The following EYS variants were observed in gnomAD, a reference collection of about 807,000 sequenced individuals.
The protein encoded by EYS is EGF-like photoreceptor maintenance factor, also known as protein eyes shut homolog.
Under a neutral mutation model 282.1 loss-of-function variants are expected in EYS, and 250 were observed. The ratio of observed to expected loss-of-function variants is 0.89; its 90% CI spans 0.80 to 0.98. The LOEUF is 0.98. Among genes scored for constraint, EYS ranks in the 50% least tolerant of loss-of-function variants. EYS has a pLI of 0.00. For synonymous variants in EYS, 1,355 were observed against 1,282.9 expected (o/e 1.06, Z -1.20); for missense variants, 4,016 against 3,709.0 (o/e 1.08, Z -2.15).
chr6:64,354,594 A>AT (rs562995209), intron 29 of EYS, among the ~76,000 whole-genome samples: 2 of 151,432 alleles, frequency 1.3e-5, no homozygotes, highest in South Asian at 4.2e-4. Context: ...GTGGTATTCT[A>AT]TTTTTTCCTT....
At chr6:64,584,275 A>G (rs1470985476) in intron 26 of EYS, among the ~76,000 whole-genome samples, 1 of 152,010 alleles carries the variant, frequency 6.6e-6, no homozygotes, top group African/African-American at 2.4e-5. Flanking sequence ...GCATGTATAC[A>G]TGTATTTAGA....
At chr6:65,164,105 A>T (rs1017772520) in intron 12 of EYS, among the ~76,000 whole-genome samples, 3 of 151,540 alleles carry the variant, frequency 2.0e-5, no homozygotes, top group African/African-American at 4.8e-5. Flanking sequence ...AACTGAAATA[A>T]TTGTGAGTTG....
At position 65,471,229 on chromosome 6, in the gene EYS, C is replaced by CAA. The variant is rs527251318; in HGVS notation, c.862+19363_862+19364dup. Reference sequence around the variant, plus strand: ...GCAACATAGTGAGACCTCATCTTTACAAAAAAAAAAAAAAAAAAAAATTGT... The same window carrying CAA: ...GCAACATAGTGAGACCTCATCTTTACAAAAAAAAAAAAAAAAAAAAAAATTGT... On this transcript the variant is annotated intron_variant, in intron 5 of 42. Transcript: ENST00000503581. Among the ~76,000 whole-genome samples the CAA allele has an allele frequency of 8.5e-3, 821 of 96,666 alleles. 14 individuals carry two copies. Among genetic ancestry groups the CAA allele is most frequent in the African/African-American group, 0.025 (667 of 26,630 alleles). The allele number at this position is 96,666 out of a possible 152,430, so 63.4% of individuals were successfully genotyped here.
intron 29 of EYS, among the ~76,000 whole-genome samples, chr6:64,373,598 G>C (rs970215790): frequency 2.6e-5 from 4 of 152,110 alleles, no homozygotes. Context: ...TGCCATCCGG[G>C]TGTTTCCAAG....
chr6:64,580,315 A>G (rs1434015646), intron 26 of EYS, among the ~76,000 whole-genome samples: 1 of 152,178 alleles, frequency 6.6e-6, no homozygotes, highest in Non-Finnish European at 1.5e-5. Flanking sequence ...TCAAGGTGAC[A>G]TTGAGTTATG....
intron 26 of EYS, among the ~76,000 whole-genome samples, chr6:64,559,894 G>C (rs1215171096): frequency 6.6e-6 from 1 of 151,768 alleles, no homozygotes; most frequent in Non-Finnish European, 1.5e-5. Context: ...ATTTTTTTCT[G>C]CTCCCCTTCC....
chr6:65,250,770 T>C (rs1767299989), intron 12 of EYS, among the ~76,000 whole-genome samples: 1 of 151,544 alleles, frequency 6.6e-6, no homozygotes, highest in African/African-American at 2.4e-5. Flanking sequence ...ATATTTTAAG[T>C]CCAAGAGATA....
intron 4 of EYS, chr6:65,491,532 A>G (rs1231431334): frequency 2.4e-6 from 1 of 411,142 alleles, no homozygotes; most frequent in South Asian, 1.8e-5. Flanking sequence ...TTCCTTATAT[A>G]CTGACATCCC....
chr6:64,935,462 A>C (rs1037909477), intron 15 of EYS, among the ~76,000 whole-genome samples: 1 of 151,714 alleles, frequency 6.6e-6, no homozygotes, highest in Non-Finnish European at 1.5e-5. Flanking sequence ...AGGAGAACAT[A>C]ATGAAAATTA....
At chr6:63,829,322 G>C (rs1446184477) in intron 36 of EYS, among the ~76,000 whole-genome samples, 3 of 152,202 alleles carry the variant, frequency 2.0e-5, no homozygotes, top group African/African-American at 7.2e-5. Flanking sequence ...GCAAAGGGAA[G>C]CCATGACAGA....
intron 5 of EYS, among the ~76,000 whole-genome samples, chr6:65,436,092 A>G (rs1768065992): frequency 6.6e-6 from 1 of 152,176 alleles, no homozygotes; most frequent in African/African-American, 2.4e-5. Context: ...TTTAAAATAC[A>G]TATAACCAAA....
At chr6:64,878,657 G>A (rs1002319616) in intron 19 of EYS, among the ~76,000 whole-genome samples, 2 of 151,246 alleles carry the variant, frequency 1.3e-5, no homozygotes, top group South Asian at 4.2e-4. Flanking sequence ...GTGTGTTTGC[G>A]TGTGTGTGTT....
At chr6:63,740,230 G>C (rs1769039540) in intron 41 of EYS, among the ~76,000 whole-genome samples, 1 of 152,162 alleles carries the variant, frequency 6.6e-6, no homozygotes, top group Admixed American at 6.5e-5. Context: ...GGAGGTGATT[G>C]AGTCATGGGG....
At chr6:64,552,126 A>AT (rs1230201137) in intron 26 of EYS, among the ~76,000 whole-genome samples, 1 of 152,130 alleles carries the variant, frequency 6.6e-6, no homozygotes, top group African/African-American at 2.4e-5. Flanking sequence ...CATGATAGGA[A>AT]TAGGTGGTCA....
intron 2 of EYS, among the ~76,000 whole-genome samples, chr6:65,578,669 C>T (rs1003562556): frequency 1.3e-5 from 2 of 151,834 alleles, no homozygotes; most frequent in Admixed American, 6.6e-5. Context: ...AGTTATTTCA[C>T]AATTTATACA....
chr6:65,350,737 A>G (rs570917226), intron 9 of EYS, among the ~76,000 whole-genome samples: 1 of 151,804 alleles, frequency 6.6e-6, no homozygotes, highest in Non-Finnish European at 1.5e-5. Flanking sequence ...GACATTGAAA[A>G]GAAACAGTGC....
At chr6:64,407,685 G>T (rs1180524721) in intron 28 of EYS, among the ~76,000 whole-genome samples, 1 of 152,010 alleles carries the variant, frequency 6.6e-6, no homozygotes, top group African/African-American at 2.4e-5. Flanking sequence ...ATAACTATAT[G>T]GTATTAGCAT....
At chr6:64,622,924 G>T (rs2149854181) in intron 23 of EYS, among the ~76,000 whole-genome samples, 1 of 152,220 alleles carries the variant, frequency 6.6e-6, no homozygotes, top group African/African-American at 2.4e-5. Flanking sequence ...TTTTTCTATG[G>T]CATTTAGGAG....
In EYS at chr6:65,490,655, A is replaced by G. The variant is rs147376346; in HGVS notation, c.801T>C (p.His267=). Residue 267 remains histidine, a synonymous_variant, in exon 5 of 43, where the codon CAT becomes CAC. Transcript: ENST00000503581. The part of the protein sequence containing the change: ...IGQCQPHVCF[H]GNCSNITSNS... ...TTGAAGTAATATTGCTGCAGTTTCC[A>G]TGGAAACAGACATGTGGTTGACACT... The G allele has an allele frequency of 2.2e-5, 35 of 1,612,896 alleles. No individual in the cohort carries two copies. The African/African-American group carries it at 4.7e-4, about 22-fold the overall frequency.
Sources: allele counts gnomAD v4.1 joint callset (sites outside exome capture counted in the v4.1 genomes callset), GRCh38; gene constraint gnomAD v4.1.1; transcripts MANE v1.5; gene names NCBI Gene and HGNC (gene_info 2026-07-23, HGNC 2026-07-21).